IL1RAPL1: variants seen among roughly 807,000 people sequenced by gnomAD.
IL1RAPL1 encodes the protein interleukin 1 receptor accessory protein like 1, also known as interleukin-1 receptor accessory protein-like 1.
In IL1RAPL1, 3 loss-of-function variants were observed where a neutral mutation model predicts 48.4. The observed-to-expected ratio is 0.06, with a 90% CI of 0.03 to 0.16. The LOEUF is 0.16. IL1RAPL1 is among the 10% of genes least tolerant of loss of function. IL1RAPL1 has a pLI of 1.00. For missense variants in IL1RAPL1, 349 were observed against 530.6 expected (o/e 0.66, Z 3.36); for synonymous variants, 185 against 187.7 (o/e 0.99, Z 0.12).
intron 2 of IL1RAPL1, among the ~76,000 whole-genome samples, chrX:29,108,693 G>A (rs748606567): frequency 1.8e-5 from 2 of 111,303 alleles, no homozygotes; most frequent in South Asian, 7.5e-4. Flanking sequence ...GAGCCACCAC[G>A]CCCAGCCTAT....
At chrX:28,597,711 A>G in intron 1 of IL1RAPL1, among the ~76,000 whole-genome samples, 1 of 111,257 alleles carries the variant, frequency 9.0e-6, no homozygotes. Context: ...AGCCTGGGCA[A>G]CAAGAGTGAA....
chrX:29,106,244 G>A lies in IL1RAPL1; in HGVS notation c.83-176694G>A, dbSNP rs1602059222. On this transcript the variant is annotated intron_variant, in intron 2 of 10. Coordinates refer to ENST00000378993, the MANE Select transcript of IL1RAPL1 (RefSeq NM_014271.4). ...AGCTTTTGAGGAGGAATGATTCTACGTTTATATTGGGATAGCCTCTGGTGT... is the reference window on the plus strand; with the variant it reads ...AGCTTTTGAGGAGGAATGATTCTACATTTATATTGGGATAGCCTCTGGTGT... 3.6e-5 allele frequency among the ~76,000 whole-genome samples: 4 copies of A among 111,218 alleles called. No homozygotes were observed. In the South Asian group the frequency reaches 1.1e-3, roughly 32 times the overall value.
At chrX:29,387,968 G>A (rs1296587065) in intron 3 of IL1RAPL1, among the ~76,000 whole-genome samples, 1 of 107,570 alleles carries the variant, frequency 9.3e-6, no homozygotes, top group Non-Finnish European at 1.9e-5. Flanking sequence ...ACTCCAGGCT[G>A]GGCGAAAGAG....
rs369266329 is a variant in IL1RAPL1, at chrX:29,092,328, G to C, written c.83-190610G>C. Among the ~76,000 whole-genome samples the C allele has an allele frequency of 6.3e-5, 7 of 111,685 alleles. No homozygotes were observed. In the East Asian group the frequency reaches 2.0e-3, roughly 31 times the overall value. On this transcript the variant is annotated intron_variant, in intron 2 of 10. Coordinates refer to ENST00000378993, the MANE Select transcript of IL1RAPL1 (RefSeq NM_014271.4). ...TTTATTTGAATACTGTGGCTCATTT[G>C]AAAGCAGAATTAAGTTATAAAACAA...
At chrX:29,897,089 T>C (rs928586001) in intron 6 of IL1RAPL1, among the ~76,000 whole-genome samples, 1 of 112,135 alleles carries the variant, frequency 8.9e-6, no homozygotes, top group Non-Finnish European at 1.9e-5. Flanking sequence ...TGGGTAATCA[T>C]TGTGCTTCAT....
intron 2 of IL1RAPL1, among the ~76,000 whole-genome samples, chrX:29,002,944 A>G (rs770698431): frequency 9.8e-6 from 1 of 102,378 alleles, no homozygotes; most frequent in South Asian, 4.3e-4. Flanking sequence ...CACACACACG[A>G]TCTCATAGAG....
At chrX:29,353,005 A>G (rs946156445) in intron 3 of IL1RAPL1, among the ~76,000 whole-genome samples, 3 of 111,221 alleles carry the variant, frequency 2.7e-5, no homozygotes, top group Non-Finnish European at 5.7e-5. Context: ...TTATTTTTAA[A>G]CTCTGCTTTA....
intron 5 of IL1RAPL1, among the ~76,000 whole-genome samples, chrX:29,545,189 ATC>A (rs1921580360): frequency 2.4e-5 from 1 of 41,891 alleles, no homozygotes; most frequent in Non-Finnish European, 4.6e-5. Context: ...CTATCTATCT[ATC>A]TATCTATCTA....
At chrX:28,949,638 G>T (rs975964062) in intron 2 of IL1RAPL1, among the ~76,000 whole-genome samples, 2 of 110,628 alleles carry the variant, frequency 1.8e-5, no homozygotes, top group African/African-American at 6.6e-5. Context: ...ATTCTAACTG[G>T]TGTGAGATGG....
chrX:29,043,493 C>A (rs1003814135), intron 2 of IL1RAPL1, among the ~76,000 whole-genome samples: 1 of 110,776 alleles, frequency 9.0e-6, no homozygotes, highest in African/African-American at 3.3e-5. Flanking sequence ...TAACGTTTTT[C>A]ACTGTCTAAT....
At chrX:29,342,887 T>C (rs1003542646) in intron 3 of IL1RAPL1, among the ~76,000 whole-genome samples, 4 of 112,093 alleles carry the variant, frequency 3.6e-5, no homozygotes, top group Non-Finnish European at 5.6e-5. Flanking sequence ...AGCAGTATAA[T>C]AAGGGACCAT....
chrX:29,154,600 A>C (rs769720597), intron 2 of IL1RAPL1, among the ~76,000 whole-genome samples: 4 of 111,640 alleles, frequency 3.6e-5, no homozygotes, highest in Admixed American at 2.9e-4. Flanking sequence ...AATCTATAAA[A>C]AGTTCCTAAT....
At chrX:29,208,740 A>AATAAT (rs1455071954) in intron 2 of IL1RAPL1, among the ~76,000 whole-genome samples, 79 of 106,789 alleles carry the variant, frequency 7.4e-4, no homozygotes, top group African/African-American at 2.5e-3. Context: ...AATAATAAAT[A>AATAAT]AATAAATAAA....
intron 2 of IL1RAPL1, among the ~76,000 whole-genome samples, chrX:29,180,871 T>G (rs1930130401): frequency 9.0e-6 from 1 of 111,721 alleles, no homozygotes; most frequent in Admixed American, 9.5e-5. Flanking sequence ...TTTATCTGTA[T>G]GTACATGTGT....
At chrX:28,844,009 C>T (rs754387085) in intron 2 of IL1RAPL1, among the ~76,000 whole-genome samples, 2 of 109,589 alleles carry the variant, frequency 1.8e-5, no homozygotes, top group Admixed American at 1.9e-4. Context: ...TATTGAGCTC[C>T]CTGCTGCCTA....
intron 2 of IL1RAPL1, among the ~76,000 whole-genome samples, chrX:29,203,616 G>A (rs761922480): frequency 2.8e-5 from 3 of 106,939 alleles, no homozygotes; most frequent in African/African-American, 1.0e-4. Context: ...CTACTCAGGA[G>A]GCTGAGGCAG....
intron 6 of IL1RAPL1, among the ~76,000 whole-genome samples, chrX:29,744,574 A>G (rs917844269): frequency 2.7e-5 from 3 of 112,340 alleles, no homozygotes; most frequent in African/African-American, 9.7e-5. Context: ...TAGTTGAACT[A>G]AGAAGCTAGA....
chrX:28,709,522 A>G (rs1935415848), intron 1 of IL1RAPL1, among the ~76,000 whole-genome samples: 1 of 111,137 alleles, frequency 9.0e-6, no homozygotes, highest in African/African-American at 3.3e-5. Flanking sequence ...TTTTATCAGA[A>G]CAGGAAAAAA....
At chrX:29,759,956 G>A (rs1228991463) in intron 6 of IL1RAPL1, among the ~76,000 whole-genome samples, 1 of 111,350 alleles carries the variant, frequency 9.0e-6, no homozygotes, top group Non-Finnish European at 1.9e-5. Context: ...TCTAGTTAGG[G>A]GCACTTCTTA....
Sources: allele counts gnomAD v4.1 joint callset (sites outside exome capture counted in the v4.1 genomes callset), GRCh38; gene constraint gnomAD v4.1.1; transcripts MANE v1.5; gene names NCBI Gene and HGNC (gene_info 2026-07-23, HGNC 2026-07-21).